Variants in RASAL2 observed in about 807,000 individuals in gnomAD.
RASAL2 encodes the protein RAS protein activator like 2.
A neutral mutation model predicts 128.9 loss-of-function variants in RASAL2; 58 were observed. The observed-to-expected ratio is 0.45, with a 90% CI of 0.36 to 0.56. RASAL2 has a LOEUF of 0.56. RASAL2 is among the 20% of genes least tolerant of loss of function. The pLI is 0.00. For synonymous variants in RASAL2, 561 were observed against 580.8 expected, an observed-to-expected ratio of 0.97 and a Z score of 0.49; for missense variants, 1,360 against 1,601.6, an observed-to-expected ratio of 0.85 and a Z score of 2.57.
In RASAL2 at chr1:178,129,284, T is replaced by C. The variant is rs571397554; in HGVS notation, c.202+34590T>C. On this transcript the variant is annotated intron_variant, in intron 1 of 17. Transcript: ENST00000367649. ...TACTTTTTTCATTTTCTAGTAGCCATCCTAATGTACGTAAAGTGGCATTTC... is the reference window on the plus strand; with the variant it reads ...TACTTTTTTCATTTTCTAGTAGCCACCCTAATGTACGTAAAGTGGCATTTC... 3.7e-4 allele frequency among the ~76,000 whole-genome samples: 57 copies of C among 152,290 alleles called. No individual in the cohort carries two copies. The South Asian group carries it at 7.5e-3, about 20-fold the overall frequency.
intron 3 of RASAL2, among the ~76,000 whole-genome samples, chr1:178,313,517 G>T (rs2102309488): frequency 1.3e-5 from 2 of 151,806 alleles, no homozygotes; most frequent in Admixed American, 1.3e-4. Context: ...TTGAGACAGG[G>T]TCTCACTCTG....
intron 2 of RASAL2, among the ~76,000 whole-genome samples, chr1:178,286,047 C>A (rs1032753144): frequency 1.3e-5 from 2 of 152,156 alleles, no homozygotes; most frequent in African/African-American, 4.8e-5. Flanking sequence ...ACCTGGGTAA[C>A]CCTCATCCAC....
intron 1 of RASAL2, among the ~76,000 whole-genome samples, chr1:178,176,996 T>C (rs918186733): frequency 3.3e-5 from 5 of 152,170 alleles, no homozygotes; most frequent in Non-Finnish European, 7.3e-5. Flanking sequence ...ATTTCAGGGA[T>C]TCTTTATACA....
At chr1:178,398,964 A>C (rs939261149) in intron 4 of RASAL2, among the ~76,000 whole-genome samples, 1 of 152,202 alleles carries the variant, frequency 6.6e-6, no homozygotes, top group African/African-American at 2.4e-5. Flanking sequence ...CAGGGCCTAC[A>C]CTTACAAAGG....
At chr1:178,295,467 GTT>G (rs11326122) in intron 2 of RASAL2, among the ~76,000 whole-genome samples, 1 of 146,576 alleles carries the variant, frequency 6.8e-6, no homozygotes, top group African/African-American at 2.5e-5. Context: ...AACAGCATTG[GTT>G]TTTTTTTTTT....
intron 1 of RASAL2, among the ~76,000 whole-genome samples, chr1:178,208,408 T>C (rs1663129651): frequency 6.6e-6 from 1 of 152,136 alleles, no homozygotes; most frequent in Non-Finnish European, 1.5e-5. Flanking sequence ...GTCTGTCTTA[T>C]GCAGTTGAGA....
rs192467049 is a variant in RASAL2, at chr1:178,368,674, G to A, written c.458-21426G>A. Among the ~76,000 whole-genome samples, 53 of 149,006 alleles carry A rather than the reference G, an allele frequency of 3.6e-4. No homozygotes were observed. In the East Asian group the frequency reaches 3.7e-3, roughly 10 times the overall value. ...CTCCTTAGAAACAGGGTCTCACTCC[G>A]TCACCTAGACTGCAGCACAGTGGCA... On this transcript the variant is annotated intron_variant, in intron 3 of 17. Coordinates refer to ENST00000367649, the MANE Select transcript of RASAL2 (RefSeq NM_170692.4).
chr1:178,155,071 C>T (rs1264705387), intron 1 of RASAL2, among the ~76,000 whole-genome samples: 1 of 152,168 alleles, frequency 6.6e-6, no homozygotes, highest in Non-Finnish European at 1.5e-5. Context: ...GATCCACCCG[C>T]CTTGGCCTCC....
At chr1:178,117,208 GTAATAAAGTAATTGATACT>G (rs1202747068) in intron 1 of RASAL2, among the ~76,000 whole-genome samples, 2 of 151,476 alleles carry the variant, frequency 1.3e-5, no homozygotes, top group African/African-American at 4.9e-5. Context: ...AAGCATTTGA[GTAATAAAGTAATTGATACT>G]GTTGTAAATA....
chr1:178,184,731 G>A (rs1278246965), intron 1 of RASAL2, among the ~76,000 whole-genome samples: 2 of 152,080 alleles, frequency 1.3e-5, no homozygotes, highest in African/African-American at 4.8e-5. Context: ...TTTGTAGTAG[G>A]TCTTAAGATC....
rs556871433 is a variant in RASAL2 at position 178,152,525 on chromosome 1, C to T, written c.202+57831C>T. 4.6e-5 allele frequency among the ~76,000 whole-genome samples: 7 copies of T among 152,180 alleles called. 1 individual carries two copies. Among genetic ancestry groups the T allele is most frequent in the Non-Finnish European group, 8.8e-5 (6 of 68,010 alleles). On this transcript the variant is annotated intron_variant, in intron 1 of 17. Transcript: ENST00000367649. ...AGACTGGTGCCTGGAATTAGCCAAGCGTGGTGGCGGGCACCTGTAGTCCCA... is the reference window on the plus strand; with the variant it reads ...AGACTGGTGCCTGGAATTAGCCAAGTGTGGTGGCGGGCACCTGTAGTCCCA...
chr1:178,280,152 A>T (rs1480641608), intron 1 of RASAL2, among the ~76,000 whole-genome samples: 3 of 152,122 alleles, frequency 2.0e-5, no homozygotes, highest in African/African-American at 7.2e-5. Context: ...AACGAAGAAT[A>T]TTCATAGTTA....
At chr1:178,291,742 T>C (rs1667286118) in intron 2 of RASAL2, among the ~76,000 whole-genome samples, 1 of 152,048 alleles carries the variant, frequency 6.6e-6, no homozygotes, top group Admixed American at 6.6e-5. Context: ...ACTTAAGAAT[T>C]ATAAAGAATG....
chr1:178,288,703 T>C (rs1356322332), intron 2 of RASAL2, among the ~76,000 whole-genome samples: 1 of 135,430 alleles, frequency 7.4e-6, no homozygotes, highest in Non-Finnish European at 1.5e-5. Flanking sequence ...CAGGCTGGAG[T>C]GCAATGGTGC....
In RASAL2 at chr1:178,477,894, T is replaced by C. The variant is rs1403657809; in HGVS notation, c.*4655T>C. The C allele has an allele frequency of 6.6e-6, 1 of 152,238 alleles. No individual in the cohort carries two copies. Among genetic ancestry groups the C allele is most frequent in the African/African-American group, 2.4e-5 (1 of 41,462 alleles). 9.4% of individuals were successfully genotyped at this position (152,238 alleles called of 1,614,324 possible). A position where few individuals can be genotyped will look rare whatever the true frequency, so the allele number is the denominator to read the frequency against. On this transcript the variant is annotated 3_prime_UTR_variant, in exon 18 of 18. Coordinates refer to ENST00000367649, the MANE Select transcript of RASAL2 (RefSeq NM_170692.4). Reference sequence around the variant, plus strand: ...GTCTCAAGAACCCTAGATATCATTATTGATACCATGGGGAATCATAGAAAT... The same window carrying C: ...GTCTCAAGAACCCTAGATATCATTACTGATACCATGGGGAATCATAGAAAT...
chr1:178,352,531 C>T (rs1670568342), intron 3 of RASAL2, among the ~76,000 whole-genome samples: 1 of 152,090 alleles, frequency 6.6e-6, no homozygotes, highest in Non-Finnish European at 1.5e-5. Context: ...TGAGTGCTGG[C>T]AGTTTTTCCA....
chr1:178,205,758 C>CA (rs946994344), intron 1 of RASAL2, among the ~76,000 whole-genome samples: 23 of 146,474 alleles, frequency 1.6e-4, no homozygotes, highest in East Asian at 6.0e-4. Context: ...CTCCGTCTAA[C>CA]AAAAAAAAAA....
intron 1 of RASAL2, among the ~76,000 whole-genome samples, chr1:178,132,458 G>C (rs930840209): frequency 2.2e-4 from 33 of 152,172 alleles, no homozygotes; most frequent in African/African-American, 7.7e-4. Flanking sequence ...GATCATATAA[G>C]CAAGCTTTTA....
chr1:178,116,614 A>AT (rs1659526950), intron 1 of RASAL2, among the ~76,000 whole-genome samples: 1 of 151,184 alleles, frequency 6.6e-6, no homozygotes, highest in South Asian at 2.1e-4. Flanking sequence ...ATTTTATTTT[A>AT]TTTTATTTTT....
Sources: allele counts gnomAD v4.1 joint callset (sites outside exome capture counted in the v4.1 genomes callset), GRCh38; gene constraint gnomAD v4.1.1; transcripts MANE v1.5; gene names NCBI Gene and HGNC (gene_info 2026-07-23, HGNC 2026-07-21).